RANBP17: variants seen among roughly 807,000 people sequenced by gnomAD.
The protein encoded by RANBP17 is RAN binding protein 17.
Under a neutral mutation model 141.2 loss-of-function variants are expected in RANBP17, and 158 were observed. That is an observed-to-expected ratio of 1.12 (90% CI 0.98 to 1.28). The LOEUF is 1.28. Among genes scored for constraint, RANBP17 ranks in the 50% most tolerant of loss-of-function variants. The probability of loss-of-function intolerance (pLI) is 0.00; values close to 1 mark genes in which losing one functional copy is unlikely to be tolerated. For synonymous variants in RANBP17, 430 were observed against 450.0 expected, an observed-to-expected ratio of 0.96 and a Z score of 0.56; for missense variants, 1,438 against 1,290.7, an observed-to-expected ratio of 1.11 and a Z score of -1.75.
At chr5:171,164,777 C>T (rs1759564320) in intron 14 of RANBP17, among the ~76,000 whole-genome samples, 1 of 152,090 alleles carries the variant, frequency 6.6e-6, no homozygotes, top group African/African-American at 2.4e-5. Flanking sequence ...AGACAATACA[C>T]ATTGAGAAGT....
intron 20 of RANBP17, among the ~76,000 whole-genome samples, chr5:171,210,589 G>GT (rs1235173180): frequency 2.0e-5 from 3 of 152,068 alleles, no homozygotes; most frequent in Non-Finnish European, 4.4e-5. Context: ...TGCTCAGGAG[G>GT]TCCCTTGGTG....
At chr5:170,949,957 T>C (rs1055589717) in intron 12 of RANBP17, among the ~76,000 whole-genome samples, 31 of 152,200 alleles carry the variant, frequency 2.0e-4, no homozygotes, top group African/African-American at 7.2e-4. Context: ...TTACAGCCAA[T>C]TGGTTTTTGA....
At chr5:171,099,930 G>A (rs959924694) in intron 14 of RANBP17, among the ~76,000 whole-genome samples, 2 of 152,208 alleles carry the variant, frequency 1.3e-5, no homozygotes, top group African/African-American at 2.4e-5. Flanking sequence ...TGTTGAACCA[G>A]CCTTGCTTCC....
intron 24 of RANBP17, among the ~76,000 whole-genome samples, chr5:171,259,137 A>G (rs925535676): frequency 1.3e-5 from 2 of 152,246 alleles, no homozygotes; most frequent in Non-Finnish European, 2.9e-5. Flanking sequence ...ATCACTAATC[A>G]TCAGAGAAAT....
At chr5:170,868,024 G>A (rs1275551261) in intron 1 of RANBP17, among the ~76,000 whole-genome samples, 1 of 152,084 alleles carries the variant, frequency 6.6e-6, no homozygotes, top group Non-Finnish European at 1.5e-5. Context: ...TTGCATGCAT[G>A]ACTATCAACA....
chr5:171,147,386 T>TGTGG (rs1405375431), intron 14 of RANBP17, among the ~76,000 whole-genome samples: 2 of 138,258 alleles, frequency 1.4e-5, no homozygotes, highest in African/African-American at 2.7e-5. Context: ...TGTGTGGTTG[T>TGTGG]TTGTTTTTTT....
intron 4 of RANBP17, among the ~76,000 whole-genome samples, chr5:170,895,380 G>A (rs572992998): frequency 1.3e-5 from 2 of 152,252 alleles, no homozygotes; most frequent in East Asian, 1.9e-4. Flanking sequence ...TGTTAGTAAT[G>A]TGCATATAAA....
chr5:170,903,798 A>G (rs2127408122), intron 5 of RANBP17: 1 of 379,402 alleles, frequency 2.6e-6, no homozygotes, highest in Non-Finnish European at 5.2e-6. Context: ...AAAGCAGAAT[A>G]AGCCCTTTGT....
chr5:171,166,063 A>T (rs537051540), intron 14 of RANBP17, among the ~76,000 whole-genome samples: 8 of 152,284 alleles, frequency 5.3e-5, no homozygotes, highest in African/African-American at 1.2e-4. Context: ...TTATTCATTT[A>T]AGAAACATTA....
At chr5:171,064,176 G>C in intron 14 of RANBP17, among the ~76,000 whole-genome samples, 1 of 152,258 alleles carries the variant, frequency 6.6e-6, no homozygotes, top group Non-Finnish European at 1.5e-5. Flanking sequence ...CCACTGTCCT[G>C]CGCCCACTGT....
At chr5:171,296,453 C>T (rs974189677) in intron 27 of RANBP17, among the ~76,000 whole-genome samples, 4 of 152,096 alleles carry the variant, frequency 2.6e-5, no homozygotes, top group African/African-American at 9.7e-5. Flanking sequence ...TTGTATATTT[C>T]AAAATAGCTA....
At chr5:171,093,418 A>G (rs752638236) in intron 14 of RANBP17, among the ~76,000 whole-genome samples, 7 of 152,142 alleles carry the variant, frequency 4.6e-5, no homozygotes, top group Non-Finnish European at 1.0e-4. Context: ...ACACGATATA[A>G]TAGCTGAGTT....
intron 14 of RANBP17, among the ~76,000 whole-genome samples, chr5:171,029,831 A>G (rs1015988659): frequency 6.6e-6 from 1 of 152,110 alleles, no homozygotes; most frequent in African/African-American, 2.4e-5. Flanking sequence ...GCACTTGGGC[A>G]TTATGTGAAA....
chr5:171,142,913 G>C (rs762728037), intron 14 of RANBP17, among the ~76,000 whole-genome samples: 5 of 152,296 alleles, frequency 3.3e-5, no homozygotes, highest in Admixed American at 6.5e-5. Context: ...CATGAAAATT[G>C]AATTATAGGC....
At chr5:171,023,697 T>A (rs1474712979) in intron 14 of RANBP17, among the ~76,000 whole-genome samples, 1 of 152,200 alleles carries the variant, frequency 6.6e-6, no homozygotes, top group Non-Finnish European at 1.5e-5. Context: ...CTTTCATAGT[T>A]TCTGACAAGA....
In RANBP17 at chr5:170,916,155, A is replaced by C. The variant is rs189153439; in HGVS notation, c.835-310A>C. 3.8e-3 allele frequency among the ~76,000 whole-genome samples: 439 copies of C among 114,726 alleles called. 2 individuals are homozygous for C. Among genetic ancestry groups the C allele is most frequent in the African/African-American group, 0.013 (422 of 31,466 alleles). 75.3% of individuals were successfully genotyped at this position (114,726 alleles called of 152,430 possible). A position where few individuals can be genotyped will look rare whatever the true frequency, so the allele number is the denominator to read the frequency against. ...TGCGTTATATTCTATATTGCATTAT[A>C]ATGCGTTATATTCTATATTGCATTA... On this transcript the variant is annotated intron_variant, in intron 8 of 27. Coordinates refer to ENST00000523189, the MANE Select transcript of RANBP17 (RefSeq NM_022897.5).
chr5:171,163,222 T>A (rs1759468716), intron 14 of RANBP17, among the ~76,000 whole-genome samples: 1 of 152,208 alleles, frequency 6.6e-6, no homozygotes, highest in African/African-American at 2.4e-5. Flanking sequence ...TGAAACGATA[T>A]GGAAAAATTA....
At chr5:170,977,393 G>A (rs539673187) in intron 14 of RANBP17, among the ~76,000 whole-genome samples, 1 of 152,104 alleles carries the variant, frequency 6.6e-6, no homozygotes, top group South Asian at 2.1e-4. Flanking sequence ...ATACACTGTT[G>A]CAAGGAACGT....
At chr5:171,060,470 G>A (rs1257107221) in intron 14 of RANBP17, among the ~76,000 whole-genome samples, 2 of 151,738 alleles carry the variant, frequency 1.3e-5, no homozygotes, top group African/African-American at 4.8e-5. Flanking sequence ...TACATTTATT[G>A]ATTTGCATAT....
Sources: gnomAD v4.1 joint callset for allele counts (sites outside exome capture counted in the v4.1 genomes callset) on GRCh38, gnomAD v4.1.1 for gene constraint, MANE v1.5 for transcripts, NCBI Gene and HGNC (gene_info 2026-07-23, HGNC 2026-07-21) for gene names.